The following KDM1B variants were observed in gnomAD, a reference collection of about 807,000 sequenced individuals.
KDM1B encodes lysine-specific histone demethylase 2.
KDM1B carries 63 observed loss-of-function variants against 107.4 expected under a neutral mutation model. The observed-to-expected ratio is 0.59, with a 90% confidence interval of 0.48 to 0.72. The LOEUF is 0.72. Ranked by LOEUF, KDM1B falls within the 30% of genes least tolerant of loss-of-function variation. The pLI is 0.00. For synonymous variants in KDM1B, 363 were observed against 363.9 expected (o/e 1.00, Z 0.03); for missense variants, 749 against 1,020.8 (o/e 0.73, Z 3.63).
chr6:18,158,426 A>G (rs1309755715), intron 2 of KDM1B, among the ~76,000 whole-genome samples: 2 of 151,826 alleles, frequency 1.3e-5, no homozygotes, highest in Non-Finnish European at 2.9e-5. Context: ...TTTCCATAGG[A>G]TGTTAATAAT....
chr6:18,174,186 A>G (rs1472438289), intron 7 of KDM1B, among the ~76,000 whole-genome samples: 1 of 152,216 alleles, frequency 6.6e-6, no homozygotes, highest in Non-Finnish European at 1.5e-5. Flanking sequence ...CTCTGCTGTC[A>G]TGATTATTGT....
chr6:18,177,821 A>G (rs541270197), intron 7 of KDM1B, among the ~76,000 whole-genome samples: 24 of 152,194 alleles, frequency 1.6e-4, no homozygotes, highest in Non-Finnish European at 2.8e-4. Flanking sequence ...AGCCATGCTC[A>G]TTGTTATGTA....
chr6:18,209,961 T>A lies in KDM1B; in HGVS notation c.1866+1755T>A, dbSNP rs1788711360. Among the ~76,000 whole-genome samples, 1 of 152,176 alleles carries A rather than the reference T, an allele frequency of 6.6e-6. No homozygotes were observed. The highest frequency in any genetic ancestry group is 2.1e-4 in the South Asian group (1 of 4,832). On this transcript the variant is annotated intron_variant, in intron 17 of 21. Transcript: ENST00000650836. The surrounding 1 kb of genome is among the most constrained non-coding windows in gnomAD (Gnocchi z 4.3). ...TCTGCTGTTCTGTAGCTCCACTTCTTGGTGTCCAGGACAGCAAGCTGGTTT... is the reference window on the plus strand; with the variant it reads ...TCTGCTGTTCTGTAGCTCCACTTCTAGGTGTCCAGGACAGCAAGCTGGTTT...
rs1224612725 is a variant in KDM1B at position 18,214,202 on chromosome 6, G to A, written c.2109+421G>A. 6.6e-6 allele frequency among the ~76,000 whole-genome samples: 1 copy of A among 152,076 alleles called. No homozygotes were observed. The highest frequency in any genetic ancestry group is 1.5e-5 in the Non-Finnish European group (1 of 68,020). On this transcript the variant is annotated intron_variant, in intron 19 of 21. Transcript: ENST00000650836. The surrounding 1 kb of genome is among the most constrained non-coding windows in gnomAD (Gnocchi z 4.4). ...GAGAGCTGAGGGAAGGAAGGAGAGA[G>A]GAGAATGGCATACCCAGAGCTGGAC... is the stretch of plus-strand genomic sequence containing the variant.
At chr6:18,170,258 CCTTCATGCAG>C (rs1248777999) in intron 6 of KDM1B, among the ~76,000 whole-genome samples, 2 of 152,104 alleles carry the variant, frequency 1.3e-5, no homozygotes, top group Non-Finnish European at 2.9e-5. Flanking sequence ...TTCCATATAT[CCTTCATGCAG>C]CTTCCCTTAA....
Position 18,159,870 on chromosome 6 carries a change from T to A in KDM1B, c.-13-13T>A. ...AGATGCTAATATTTAATGGTCTGAT[T>A]TTTCTTTTGCAGATTATTTAATGTA... On this transcript the variant is annotated splice_polypyrimidine_tract_variant and intron_variant, in intron 2 of 21. Transcript: ENST00000650836. This position sits in a 1 kb window ranked among gnomAD's most constrained non-coding sequence, Gnocchi z 4.5. 1 of 1,416,692 alleles carries A rather than the reference T, an allele frequency of 7.1e-7. No homozygotes were observed. Among genetic ancestry groups the A allele is most frequent in the Non-Finnish European group, 9.9e-7 (1 of 1,005,378 alleles). The allele number at this position is 1,416,692 out of a possible 1,614,324, so 87.8% of individuals were successfully genotyped here.
chr6:18,195,659 C>T (rs1029712209), intron 10 of KDM1B, among the ~76,000 whole-genome samples: 3 of 147,642 alleles, frequency 2.0e-5, no homozygotes, highest in East Asian at 2.0e-4. Context: ...CATTTGAACC[C>T]GGGAGGCAGA....
chr6:18,161,541 A>C (rs946901310), intron 4 of KDM1B, 87 bp downstream of exon 4: 6 of 1,423,032 alleles, frequency 4.2e-6, no homozygotes, highest in Non-Finnish European at 4.8e-6. Context: ...AGTTTTCCTA[A>C]AGATAGATAC....
chr6:18,187,662 A>C (rs2150917326), intron 8 of KDM1B, 130 bp from the exon 9 acceptor site: 1 of 530,788 alleles, frequency 1.9e-6, no homozygotes, highest in South Asian at 2.9e-5. Flanking sequence ...AGAATTGTTA[A>C]GTCTGAGCAA....
chr6:18,203,356 T>C lies in KDM1B; in HGVS notation c.1531+1699T>C, dbSNP rs1475207080. On this transcript the variant is annotated intron_variant, in intron 14 of 21. Coordinates refer to ENST00000650836, the MANE Select transcript of KDM1B (RefSeq NM_001364614.2). This position sits in a 1 kb window ranked among gnomAD's most constrained non-coding sequence, Gnocchi z 5.5. ...CTGTGTAAGTGGGTATTTCATCTTA[T>C]CAATAGCTTGTTTAAAAGCTTTGAT... 1.3e-5 allele frequency among the ~76,000 whole-genome samples: 2 copies of C among 152,170 alleles called. No individual in the cohort carries two copies. The highest frequency in any genetic ancestry group is 2.9e-5 in the Non-Finnish European group (2 of 68,030).
intron 9 of KDM1B, among the ~76,000 whole-genome samples, chr6:18,188,780 A>ATTTT (rs55767862): frequency 1.4e-5 from 2 of 139,410 alleles, no homozygotes; most frequent in Non-Finnish European, 3.1e-5. Flanking sequence ...CAGCTGGTTA[A>ATTTT]TTTTTTTTTT....
At chr6:18,216,671 C>T (rs1436538611) in intron 20 of KDM1B, among the ~76,000 whole-genome samples, 1 of 152,200 alleles carries the variant, frequency 6.6e-6, no homozygotes, top group Non-Finnish European at 1.5e-5. Context: ...ATGCACCGTT[C>T]TGAAGAGCGT....
At chr6:18,216,065 CTTATT>C (rs1789206731) in intron 20 of KDM1B, among the ~76,000 whole-genome samples, 1 of 152,144 alleles carries the variant, frequency 6.6e-6, no homozygotes, top group African/African-American at 2.4e-5. Flanking sequence ...AGATATGTTG[CTTATT>C]TTATTTCATT....
chr6:18,200,606 T>A lies in KDM1B; in HGVS notation c.1359+30T>A, dbSNP rs1348275864. ...GTTTCTTTTAGCTTTGTGTTGTAGA[T>A]AAAGGAAAGAAAAACAGTTTCAATT... On this transcript the variant is annotated intron_variant, in intron 13 of 21. Coordinates refer to ENST00000650836, the MANE Select transcript of KDM1B (RefSeq NM_001364614.2). The surrounding 1 kb of genome is among the most constrained non-coding windows in gnomAD (Gnocchi z 4.3). The A allele has an allele frequency of 3.8e-6, 6 of 1,590,788 alleles. No homozygotes were observed. The highest frequency in any genetic ancestry group is 1.8e-5 in the Admixed American group (1 of 54,576).
At chr6:18,184,521 C>T (rs561092187) in intron 7 of KDM1B, among the ~76,000 whole-genome samples, 1 of 151,848 alleles carries the variant, frequency 6.6e-6, no homozygotes, top group South Asian at 2.1e-4. Flanking sequence ...GTGATCCACC[C>T]ACCTCAGCCT....
chr6:18,215,550 C>T (rs769418753), intron 20 of KDM1B, among the ~76,000 whole-genome samples: 2 of 152,056 alleles, frequency 1.3e-5, no homozygotes, highest in Non-Finnish European at 2.9e-5. Flanking sequence ...CTCACCCCGG[C>T]GACCTCACTT....
intron 7 of KDM1B, among the ~76,000 whole-genome samples, chr6:18,173,018 A>T (rs1348471339): frequency 1.3e-5 from 2 of 149,948 alleles, no homozygotes; most frequent in Non-Finnish European, 3.0e-5. Flanking sequence ...TGAACCCGGG[A>T]GGTGGAGGTT....
chr6:18,210,347 T>TTTTTTTTTG (rs1788752897), intron 17 of KDM1B, among the ~76,000 whole-genome samples: 2 of 40,692 alleles, frequency 4.9e-5, no homozygotes, highest in Non-Finnish European at 8.7e-5. Context: ...CTTTTCTTTT[T>TTTTTTTTTG]TTTTTTTTTT....
Position 18,162,947 on chromosome 6 carries a change from G to T in KDM1B, c.305+23G>T. On this transcript the variant is annotated intron_variant, in intron 5 of 21. Coordinates refer to ENST00000650836, the MANE Select transcript of KDM1B (RefSeq NM_001364614.2). The surrounding 1 kb of genome is among the most constrained non-coding windows in gnomAD (Gnocchi z 4.1). Reference sequence around the variant, plus strand: ...AAGGTATGTTCACTAATTGTGTGAGGTTTCCCTGGAGAAGGGGACCGTGGC... The same window carrying T: ...AAGGTATGTTCACTAATTGTGTGAGTTTTCCCTGGAGAAGGGGACCGTGGC... The T allele has an allele frequency of 6.1e-6, 9 of 1,479,456 alleles. No individual in the cohort carries two copies. The highest frequency in any genetic ancestry group is 8.5e-6 in the Non-Finnish European group (9 of 1,057,342). 91.6% of individuals were successfully genotyped at this position (1,479,456 alleles called of 1,614,324 possible).
Sources: allele counts gnomAD v4.1 joint callset (sites outside exome capture counted in the v4.1 genomes callset), GRCh38; gene constraint gnomAD v4.1.1; non-coding constraint Gnocchi (gnomAD v3.1); transcripts MANE v1.5; gene names NCBI Gene and HGNC (gene_info 2026-07-23, HGNC 2026-07-21).